The following GABBR2 variants were observed in gnomAD, a reference collection of about 807,000 sequenced individuals.
The protein encoded by GABBR2 is gamma-aminobutyric acid type B receptor subunit 2, also known as G-protein coupled receptor 51.
In GABBR2, 23 loss-of-function variants were observed where a neutral mutation model predicts 105.6. The observed-to-expected ratio is 0.22, with a 90% CI of 0.16 to 0.31. GABBR2 has a LOEUF of 0.31. Among genes scored for constraint, GABBR2 ranks in the 10% least tolerant of loss-of-function variants. The pLI is 1.00. For synonymous variants in GABBR2, 478 were observed against 499.7 expected (o/e 0.96, Z 0.58); for missense variants, 734 against 1,245.5 (o/e 0.59, Z 6.18).
At chr9:98,474,299 G>T (rs951393093) in intron 5 of GABBR2, among the ~76,000 whole-genome samples, 2 of 152,072 alleles carry the variant, frequency 1.3e-5, no homozygotes, top group Non-Finnish European at 2.9e-5. Context: ...TCATCAGAAG[G>T]TTCTAATGCA....
intron 1 of GABBR2, among the ~76,000 whole-genome samples, chr9:98,594,063 G>A (rs930442361): frequency 2.0e-5 from 3 of 152,284 alleles, no homozygotes; most frequent in South Asian, 4.1e-4. Context: ...TCCCAGAGGC[G>A]ATTTCCCCAA....
chr9:98,349,575 C>T (rs112364688), intron 13 of GABBR2, among the ~76,000 whole-genome samples: 7 of 151,974 alleles, frequency 4.6e-5, no homozygotes, highest in African/African-American at 1.2e-4. Flanking sequence ...AGGCTGGTCT[C>T]GAACTCCTGA....
intron 11 of GABBR2, among the ~76,000 whole-genome samples, 169 bp from the exon 12 acceptor site, chr9:98,371,740 T>G (rs1184320841): frequency 6.6e-6 from 1 of 152,186 alleles, no homozygotes; most frequent in Non-Finnish European, 1.5e-5. Context: ...CAATAGGCAT[T>G]TAGTTCTATC....
At chr9:98,294,436 A>T (rs1024697508) in intron 17 of GABBR2, among the ~76,000 whole-genome samples, 2 of 152,162 alleles carry the variant, frequency 1.3e-5, no homozygotes, top group Non-Finnish European at 1.5e-5. Context: ...TCTCGAAATT[A>T]TCCTAAGGAA....
At chr9:98,531,731 G>A (rs568591608) in intron 3 of GABBR2, among the ~76,000 whole-genome samples, 1 of 152,350 alleles carries the variant, frequency 6.6e-6, no homozygotes, top group East Asian at 1.9e-4. Context: ...TCCCTATGGA[G>A]CCTCAGCAGA....
chr9:98,406,016 G>GTA, intron 8 of GABBR2, 65 bp downstream of exon 8: 1 of 892,100 alleles, frequency 1.1e-6, no homozygotes, highest in South Asian at 1.4e-5. Flanking sequence ...GTATTATATT[G>GTA]CATAAAACAA....
chr9:98,378,254 C>G (rs1388557778), intron 11 of GABBR2, among the ~76,000 whole-genome samples: 4 of 152,146 alleles, frequency 2.6e-5, no homozygotes, highest in Non-Finnish European at 4.4e-5. Flanking sequence ...CATCACACTC[C>G]CCAGTCCAGT....
At chr9:98,392,383 G>A (rs1040246193) in intron 9 of GABBR2, among the ~76,000 whole-genome samples, 6 of 152,232 alleles carry the variant, frequency 3.9e-5, no homozygotes, top group African/African-American at 9.6e-5. Flanking sequence ...CAGACATGCC[G>A]ATCTTGGGGA....
At chr9:98,597,059 T>C (rs1829247351) in intron 1 of GABBR2, among the ~76,000 whole-genome samples, 1 of 152,122 alleles carries the variant, frequency 6.6e-6, no homozygotes, top group African/African-American at 2.4e-5. Flanking sequence ...ACTCATATTT[T>C]AGGAAATATT....
At chr9:98,392,670 A>G (rs111724017) in intron 9 of GABBR2, among the ~76,000 whole-genome samples, 167 of 152,250 alleles carry the variant, frequency 1.1e-3, no homozygotes, top group African/African-American at 3.9e-3. Flanking sequence ...TAAAGAAGGA[A>G]CTTAAAAGCT....
chr9:98,303,189 G>C, intron 16 of GABBR2, 52 bp downstream of exon 16: 2 of 1,486,220 alleles, frequency 1.3e-6, no homozygotes, highest in Non-Finnish European at 1.9e-6. Flanking sequence ...CACAGGGTTA[G>C]AGGGGCTTCA....
chr9:98,695,789 T>A (rs1402715004), intron 1 of GABBR2, among the ~76,000 whole-genome samples: 1 of 152,182 alleles, frequency 6.6e-6, no homozygotes, highest in Non-Finnish European at 1.5e-5. Context: ...AGTGTCAGCA[T>A]GCACACACAG....
chr9:98,686,557 A>G (rs761271578), intron 1 of GABBR2, among the ~76,000 whole-genome samples: 11 of 151,866 alleles, frequency 7.2e-5, no homozygotes, highest in Admixed American at 1.3e-4. Flanking sequence ...CACCACACCC[A>G]GCTAAATTTT....
At chr9:98,421,511 G>A (rs1360202205) in intron 7 of GABBR2, among the ~76,000 whole-genome samples, 1 of 152,104 alleles carries the variant, frequency 6.6e-6, no homozygotes, top group African/African-American at 2.4e-5. Flanking sequence ...AAGTTGTCAG[G>A]ATTTAAATAT....
chr9:98,510,751 G>A (rs1202131749), intron 3 of GABBR2, among the ~76,000 whole-genome samples: 2 of 151,878 alleles, frequency 1.3e-5, no homozygotes, highest in Non-Finnish European at 2.9e-5. Context: ...CCCAATACAG[G>A]AGCACCCAGA....
At chr9:98,551,658 C>A (rs1564111945) in intron 2 of GABBR2, among the ~76,000 whole-genome samples, 1 of 152,110 alleles carries the variant, frequency 6.6e-6, no homozygotes, top group Non-Finnish European at 1.5e-5. Context: ...CTCTAGCCTG[C>A]CGTGATATGT....
rs75980986 is a variant in GABBR2, at chr9:98,429,563, G to A, written c.1237-23422C>T. Reference sequence around the variant, plus strand: ...TGCTTCAAACTCTCCTTAGAAGTAGGCGATACACTATGATTAATTTTAGTC... The same window carrying A: ...TGCTTCAAACTCTCCTTAGAAGTAGACGATACACTATGATTAATTTTAGTC... On this transcript the variant is annotated intron_variant, in intron 7 of 18. Coordinates refer to ENST00000259455, the MANE Select transcript of GABBR2 (RefSeq NM_005458.8). Among the ~76,000 whole-genome samples the A allele has an allele frequency of 1.9e-3, 293 of 152,242 alleles. 1 individual carries two copies. Among genetic ancestry groups the A allele is most frequent in the African/African-American group, 6.8e-3 (281 of 41,532 alleles).
At chr9:98,525,039 T>C (rs1347413710) in intron 3 of GABBR2, among the ~76,000 whole-genome samples, 1 of 152,208 alleles carries the variant, frequency 6.6e-6, no homozygotes, top group Admixed American at 6.5e-5. Context: ...GATCAGGGAT[T>C]GTATCTGACT....
intron 1 of GABBR2, among the ~76,000 whole-genome samples, chr9:98,699,106 T>G (rs764920065): frequency 4.6e-5 from 7 of 152,126 alleles, no homozygotes; most frequent in Non-Finnish European, 7.3e-5. Flanking sequence ...CTCCTTTGGC[T>G]CTCGTGCTCT....
Sources: gnomAD v4.1 joint callset for allele counts (sites outside exome capture counted in the v4.1 genomes callset) on GRCh38, gnomAD v4.1.1 for gene constraint, MANE v1.5 for transcripts, NCBI Gene and HGNC (gene_info 2026-07-23, HGNC 2026-07-21) for gene names.